Variants in CAMLG observed in about 807,000 individuals in gnomAD.
The protein encoded by CAMLG is calcium modulating ligand.
CAMLG carries 23 observed loss-of-function variants against 28.9 expected under a neutral mutation model. The ratio of observed to expected loss-of-function variants is 0.80; its 90% CI spans 0.57 to 1.13. The LOEUF is 1.13. CAMLG is among the 50% of genes most tolerant of loss of function. The probability of loss-of-function intolerance (pLI) is 0.00; values close to 1 mark genes in which losing one functional copy is unlikely to be tolerated. For synonymous variants in CAMLG, 141 were observed against 146.5 expected, an observed-to-expected ratio of 0.96 and a Z score of 0.27; for missense variants, 367 against 371.9, an observed-to-expected ratio of 0.99 and a Z score of 0.11.
At chr5:134,742,538 C>T (rs1431816969) in intron 2 of CAMLG, among the ~76,000 whole-genome samples, 1 of 152,086 alleles carries the variant, frequency 6.6e-6, no homozygotes, top group Non-Finnish European at 1.5e-5. Context: ...TTCAGCATTT[C>T]CTAATATATC....
Position 134,751,040 on chromosome 5 carries a change from A to C in CAMLG, c.*90A>C. The C allele has an allele frequency of 1.2e-6, 1 of 851,194 alleles. No homozygotes were observed. 52.7% of individuals were successfully genotyped at this position (851,194 alleles called of 1,614,324 possible). A position where few individuals can be genotyped will look rare whatever the true frequency, so the allele number is the denominator to read the frequency against. The stretch of plus-strand genomic sequence containing the variant: ...CTCTAAAGGAGGCAAATTGGTTTAC[A>C]CCTTCATGTAATTCTTTTACTTTAG... On this transcript the variant is annotated 3_prime_UTR_variant, in exon 4 of 4. Coordinates refer to ENST00000297156, the MANE Select transcript of CAMLG (RefSeq NM_001745.4).
chr5:134,745,163 C>T (rs1335704422), intron 3 of CAMLG, among the ~76,000 whole-genome samples: 1 of 152,168 alleles, frequency 6.6e-6, no homozygotes, highest in Admixed American at 6.6e-5. Context: ...TGAGGCGGGG[C>T]GCGGTGGCTC....
intron 3 of CAMLG, among the ~76,000 whole-genome samples, chr5:134,749,311 A>C (rs1753086447): frequency 6.6e-6 from 1 of 151,958 alleles, no homozygotes. Flanking sequence ...CTTGTGATCC[A>C]CCCACCTCGA....
intron 2 of CAMLG, 104 bp downstream of exon 2, chr5:134,741,627 T>A: frequency 2.8e-6 from 2 of 717,914 alleles, no homozygotes. Context: ...TATTAATATC[T>A]ACCAGATCCA....
chr5:134,750,877 A>T lies in CAMLG; in HGVS notation c.818A>T (p.Asp273Val). The T allele has an allele frequency of 6.2e-7, 1 of 1,613,824 alleles. No homozygotes were observed. The highest frequency in any genetic ancestry group is 8.5e-7 in the Non-Finnish European group (1 of 1,179,958). The change falls in exon 4 of 4, where the codon GAT (aspartate) becomes GTT (valine). Residue 273 changes from aspartate to valine, a missense_variant. Physicochemically the swap from Asp to Val is radical, Grantham distance 152. Coordinates refer to ENST00000297156, the MANE Select transcript of CAMLG (RefSeq NM_001745.4). ...AGCAAAATGGGCGAAGTCTTCACAG[A>T]TCTCTGTGTCTACTTTTTCACTTTT... ...TYSKMGEVFT[D>V]LCVYFFTFIF...
At chr5:134,740,397 C>G (rs1752968090) in intron 1 of CAMLG, among the ~76,000 whole-genome samples, 1 of 152,056 alleles carries the variant, frequency 6.6e-6, no homozygotes. Context: ...ACCAAATAAG[C>G]TAAGGCAGGC....
intron 3 of CAMLG, among the ~76,000 whole-genome samples, chr5:134,749,972 T>C (rs62379989): frequency 2.0e-5 from 3 of 152,234 alleles, no homozygotes; most frequent in Admixed American, 2.0e-4. Context: ...CCCAAAGTGC[T>C]GGGATTAGAG....
Position 134,750,834 on chromosome 5 carries a change from C to T in CAMLG, c.775C>T (p.Arg259Ter), listed in dbSNP as rs1753104656. ...GGGAATTCCTGCCGAAGTGATAAAT[C>T]GATCAATGGATACCTATAGCAAAAT... ...LSGIPAEVIN[R>*]SMDTYSKMGE... is the part of the protein sequence containing the mutation. The change falls in exon 4 of 4, where the codon CGA becomes TGA. Residue 259 changes from arginine (R) to a stop codon, truncating the protein, a stop_gained. Coordinates refer to ENST00000297156, the MANE Select transcript of CAMLG (RefSeq NM_001745.4). LOFTEE classifies it high-confidence loss of function. The T allele has an allele frequency of 1.9e-6, 3 of 1,613,442 alleles. No individual in the cohort carries two copies. The highest frequency in any genetic ancestry group is 2.7e-5 in the African/African-American group (2 of 74,900).
chr5:134,745,158 C>T (rs867743820), intron 3 of CAMLG, among the ~76,000 whole-genome samples: 5 of 152,214 alleles, frequency 3.3e-5, no homozygotes, highest in Non-Finnish European at 2.9e-5. Context: ...ACCTTTGAGG[C>T]GGGGCGCGGT....
chr5:134,742,619 AG>A (rs1752998811), intron 2 of CAMLG, among the ~76,000 whole-genome samples: 1 of 152,214 alleles, frequency 6.6e-6, no homozygotes, highest in African/African-American at 2.4e-5. Flanking sequence ...AATGCAGAAA[AG>A]CATAGCTCAT....
chr5:134,749,393 T>C (rs1239502067), intron 3 of CAMLG, among the ~76,000 whole-genome samples: 2 of 152,124 alleles, frequency 1.3e-5, no homozygotes, highest in Non-Finnish European at 2.9e-5. Flanking sequence ...TATTTAAAAA[T>C]ATTTTAAACC....
At chr5:134,738,929 C>T in intron 1 of CAMLG, 137 bp downstream of exon 1, 11 of 825,658 alleles carry the variant, frequency 1.3e-5, no homozygotes, top group Non-Finnish European at 2.1e-5. Context: ...CCCGCCCCTT[C>T]GGTGATATCC....
At chr5:134,738,832 C>T (rs1278971233) in intron 1 of CAMLG, 40 bp downstream of exon 1, 2 of 1,601,202 alleles carry the variant, frequency 1.2e-6, no homozygotes, top group Non-Finnish European at 8.6e-7. Context: ...CGCCCATCAC[C>T]TTGAATCTTC....
At chr5:134,739,507 C>T (rs894945748) in intron 1 of CAMLG, among the ~76,000 whole-genome samples, 4 of 152,156 alleles carry the variant, frequency 2.6e-5, no homozygotes, top group African/African-American at 9.7e-5. Context: ...AAGGAGAGCG[C>T]CTCCTTCCTC....
rs1753117118 is a variant in CAMLG at position 134,751,779 on chromosome 5, C to A, written c.*829C>A. 1 of 152,312 alleles carries A rather than the reference C, an allele frequency of 6.6e-6. No homozygotes were observed. The highest frequency in any genetic ancestry group is 2.4e-5 in the African/African-American group (1 of 41,462). The allele number at this position is 152,312 out of a possible 1,614,324, so 9.4% of individuals were successfully genotyped here. A position where few individuals can be genotyped will look rare whatever the true frequency, so the allele number is the denominator to read the frequency against. ...CACCGCAACCTCCACCTTCCTGGTT[C>A]AAGGGATTCTCCTGCCTCAGCCTCC... is the stretch of plus-strand genomic sequence containing the variant. On this transcript the variant is annotated 3_prime_UTR_variant, in exon 4 of 4. Coordinates refer to ENST00000297156, the MANE Select transcript of CAMLG (RefSeq NM_001745.4).
chr5:134,747,241 T>C (rs755530034), intron 3 of CAMLG, among the ~76,000 whole-genome samples: 1 of 152,210 alleles, frequency 6.6e-6, no homozygotes, highest in Non-Finnish European at 1.5e-5. Context: ...TGTAAAGTTT[T>C]TCCATCAAAT....
chr5:134,738,962 A>G (rs1430416126), intron 1 of CAMLG, among the ~76,000 whole-genome samples, 170 bp downstream of exon 1: 1 of 151,934 alleles, frequency 6.6e-6, no homozygotes, highest in Non-Finnish European at 1.5e-5. Context: ...CCTGAACCCC[A>G]GGATGTTCCT....
rs1752981260 is a variant in CAMLG at position 134,741,340 on chromosome 5, T to C, written c.450T>C (p.His150=). The change falls in exon 2 of 4, where the codon CAT becomes CAC. Residue 150 remains histidine, a synonymous_variant. Coordinates refer to ENST00000297156, the MANE Select transcript of CAMLG (RefSeq NM_001745.4). ...TADSVQRGSR[H]GLEQYLSRFE... ...ACTCGGTCCAGAGGGGTTCCCGCCA[T>C]GGCCTAGAGCAGTACCTTTCCAGAT... is the stretch of plus-strand genomic sequence containing the variant. 1.9e-6 allele frequency: 3 copies of C among 1,614,098 alleles called. No individual in the cohort carries two copies. In the East Asian group the frequency reaches 6.7e-5, roughly 36 times the overall value.
chr5:134,743,594 G>A (rs558513888), intron 2 of CAMLG, among the ~76,000 whole-genome samples: 42 of 149,910 alleles, frequency 2.8e-4, no homozygotes, highest in African/African-American at 8.8e-4. Context: ...ATTGCCAGGC[G>A]CGGTGTCTCA....
Sources: allele counts gnomAD v4.1 joint callset (sites outside exome capture counted in the v4.1 genomes callset), GRCh38; gene constraint gnomAD v4.1.1; transcripts MANE v1.5; gene names NCBI Gene and HGNC (gene_info 2026-07-23, HGNC 2026-07-21).